The following SMOC2 variants were observed in gnomAD, a reference collection of about 807,000 sequenced individuals.
The protein encoded by SMOC2 is SPARC related modular calcium binding 2, also known as SPARC-related modular calcium-binding protein 2.
SMOC2 carries 39 observed loss-of-function variants against 61.4 expected under a neutral mutation model. That is an observed-to-expected ratio of 0.64 (90% CI 0.49 to 0.83). The LOEUF is 0.83. SMOC2 is among the 40% of genes least tolerant of loss of function. The pLI is 0.00. For synonymous variants in SMOC2, 247 were observed against 239.9 expected (o/e 1.03, Z -0.27); for missense variants, 556 against 592.9 (o/e 0.94, Z 0.65).
intron 1 of SMOC2, among the ~76,000 whole-genome samples, chr6:168,492,006 C>T (rs969105298): frequency 2.6e-5 from 4 of 152,150 alleles, no homozygotes; most frequent in African/African-American, 4.8e-5. Context: ...AAGGAAGTCT[C>T]CTAATTCTGA....
chr6:168,543,768 A>G (rs1783928594), intron 5 of SMOC2, 96 bp downstream of exon 5: 1 of 1,169,314 alleles, frequency 8.6e-7, no homozygotes, highest in Non-Finnish European at 1.2e-6. Context: ...TCCACTAGTG[A>G]TGATGATGAG....
chr6:168,574,477 G>C (rs1246093377), intron 7 of SMOC2, among the ~76,000 whole-genome samples: 1 of 152,240 alleles, frequency 6.6e-6, no homozygotes, highest in Non-Finnish European at 1.5e-5. Context: ...TTCCCGCCGG[G>C]CCTTGGGGAG....
chr6:168,478,879 G>A (rs774127294), intron 1 of SMOC2, among the ~76,000 whole-genome samples: 2 of 150,682 alleles, frequency 1.3e-5, no homozygotes, highest in East Asian at 3.9e-4. Context: ...AAGGAGTCAG[G>A]AATGTTGAAT....
chr6:168,583,258 G>C (rs936691543), intron 7 of SMOC2, among the ~76,000 whole-genome samples: 1 of 152,134 alleles, frequency 6.6e-6, no homozygotes, highest in Non-Finnish European at 1.5e-5. Flanking sequence ...GCTCAGCCCT[G>C]CCCTGCCTCA....
intron 9 of SMOC2, among the ~76,000 whole-genome samples, chr6:168,637,228 C>G (rs562419885): frequency 6.6e-6 from 1 of 152,008 alleles, no homozygotes; most frequent in South Asian, 2.1e-4. Flanking sequence ...GAATGAAAAC[C>G]ATGCAGTGTG....
chr6:168,572,370 T>C, intron 7 of SMOC2, among the ~76,000 whole-genome samples: 1 of 18,780 alleles, frequency 5.3e-5, no homozygotes, highest in Non-Finnish European at 8.8e-5. Flanking sequence ...CCTCCCCGCA[T>C]CCCCGGGTGC....
rs116680055 is a variant in SMOC2, at chr6:168,626,851, G to C, written c.907+18612G>C. Among the ~76,000 whole-genome samples, 905 of 152,316 alleles carry C rather than the reference G, an allele frequency of 5.9e-3. 13 individuals are homozygous for C. The highest frequency in any genetic ancestry group is 0.02 in the African/African-American group (830 of 41,564). ...CACCTGCTTGAATTGTTTGTAGGCT[G>C]AAAATGTGGTGATAGAGACCCGGGG... is the stretch of plus-strand genomic sequence containing the variant. On this transcript the variant is annotated intron_variant, in intron 9 of 12. Transcript: ENST00000356284.
At chr6:168,659,034 GTA>G (rs879877434) in intron 11 of SMOC2, among the ~76,000 whole-genome samples, 366 of 147,288 alleles carry the variant, frequency 2.5e-3, no homozygotes, top group Non-Finnish European at 4.2e-3. Flanking sequence ...GGTGTGGTGT[GTA>G]TGTGTGTGTG....
At chr6:168,628,523 A>G (rs560867284) in intron 9 of SMOC2, among the ~76,000 whole-genome samples, 2 of 152,346 alleles carry the variant, frequency 1.3e-5, no homozygotes, top group South Asian at 2.1e-4. Context: ...CAGCTTCCAC[A>G]TTAGGAAACA....
At chr6:168,509,850 C>T (rs187324885) in intron 1 of SMOC2, 65 bp from the exon 2 acceptor site, 6 of 1,499,702 alleles carry the variant, frequency 4.0e-6, no homozygotes, top group Admixed American at 1.9e-5. Flanking sequence ...AGGCAGCCTT[C>T]TGTTTTCTGC....
chr6:168,482,411 T>C (rs979790690), intron 1 of SMOC2, among the ~76,000 whole-genome samples: 5 of 151,890 alleles, frequency 3.3e-5, no homozygotes, highest in African/African-American at 1.2e-4. Context: ...TATAACATGA[T>C]TGAGCCAGTG....
intron 9 of SMOC2, among the ~76,000 whole-genome samples, chr6:168,616,082 G>C (rs758412043): frequency 6.6e-6 from 1 of 152,106 alleles, no homozygotes; most frequent in Non-Finnish European, 1.5e-5. Context: ...CCAGGACCTC[G>C]CTTGGTGGCC....
chr6:168,532,459 C>T (rs1231097643), intron 4 of SMOC2, among the ~76,000 whole-genome samples: 4 of 149,744 alleles, frequency 2.7e-5, no homozygotes, highest in African/African-American at 9.8e-5. Flanking sequence ...AGATTTGAAG[C>T]CTAACATTGC....
chr6:168,499,404 C>G (rs1782672504), intron 1 of SMOC2, among the ~76,000 whole-genome samples: 1 of 152,188 alleles, frequency 6.6e-6, no homozygotes, highest in African/African-American at 2.4e-5. Flanking sequence ...TAATCACTCC[C>G]CAGGTAGCAT....
chr6:168,623,206 A>G (rs1786288483), intron 9 of SMOC2, among the ~76,000 whole-genome samples: 1 of 152,210 alleles, frequency 6.6e-6, no homozygotes, highest in South Asian at 2.1e-4. Flanking sequence ...TCAGCAAACC[A>G]AGGTCAACAT....
Position 168,590,458 on chromosome 6 carries a change from C to A in SMOC2, c.638-8360C>A, listed in dbSNP as rs112162252. On this transcript the variant is annotated intron_variant, in intron 7 of 12. Coordinates refer to ENST00000356284, the MANE Select transcript of SMOC2 (RefSeq NM_001166412.2). ...TCAGGTGTGGCATGAGTTTAGGGGG[C>A]AGCCGGCCTGGTGGTGTCAGATTGA... Among the ~76,000 whole-genome samples the A allele has an allele frequency of 5.5e-3, 532 of 95,986 alleles. 15 individuals are homozygous for A. The highest frequency in any genetic ancestry group is 0.014 in the South Asian group (36 of 2,558). 63.0% of individuals were successfully genotyped at this position (95,986 alleles called of 152,430 possible). A position where few individuals can be genotyped will look rare whatever the true frequency, so the allele number is the denominator to read the frequency against.
At chr6:168,625,880 A>G (rs1786396359) in intron 9 of SMOC2, among the ~76,000 whole-genome samples, 1 of 152,216 alleles carries the variant, frequency 6.6e-6, no homozygotes, top group Admixed American at 6.5e-5. Flanking sequence ...CTCAGCCTAG[A>G]GGCGAGGGGC....
At chr6:168,469,174 G>A (rs1416407141) in intron 1 of SMOC2, among the ~76,000 whole-genome samples, 1 of 152,206 alleles carries the variant, frequency 6.6e-6, no homozygotes, top group Non-Finnish European at 1.5e-5. Context: ...CTGATGAAAG[G>A]GGCTGGTTCT....
In SMOC2 at chr6:168,642,670, C is replaced by T. The variant is rs143144018; in HGVS notation, c.908-8011C>T. On this transcript the variant is annotated intron_variant, in intron 9 of 12. Coordinates refer to ENST00000356284, the MANE Select transcript of SMOC2 (RefSeq NM_001166412.2). ...TAAGGCCAGGCCCTTGAGGATGACGCGCTGACCAGGTCTCAGTTTGGAGGG... is the reference window on the plus strand; with the variant it reads ...TAAGGCCAGGCCCTTGAGGATGACGTGCTGACCAGGTCTCAGTTTGGAGGG... Among the ~76,000 whole-genome samples, 79 of 152,320 alleles carry T rather than the reference C, an allele frequency of 5.2e-4. No individual in the cohort carries two copies. In the East Asian group the frequency reaches 9.1e-3, roughly 17 times the overall value.
Sources: gnomAD v4.1 joint callset for allele counts (sites outside exome capture counted in the v4.1 genomes callset) on GRCh38, gnomAD v4.1.1 for gene constraint, MANE v1.5 for transcripts, NCBI Gene and HGNC (gene_info 2026-07-23, HGNC 2026-07-21) for gene names.